PARVA: variants seen among roughly 807,000 people sequenced by gnomAD.
PARVA encodes parvin alpha.
In PARVA, 25 loss-of-function variants were observed where a neutral mutation model predicts 52.6. That is an observed-to-expected ratio of 0.48 (90% CI 0.35 to 0.66). PARVA has a LOEUF of 0.66. Ranked by LOEUF, PARVA falls within the 30% of genes least tolerant of loss-of-function variation. The pLI is 0.01. For missense variants in PARVA, 373 were observed against 450.9 expected, an observed-to-expected ratio of 0.83 and a Z score of 1.56; for synonymous variants, 185 against 179.1, an observed-to-expected ratio of 1.03 and a Z score of -0.26.
chr11:12,427,487 G>A (rs1341402944), intron 1 of PARVA, among the ~76,000 whole-genome samples: 5 of 152,194 alleles, frequency 3.3e-5, no homozygotes, highest in South Asian at 2.1e-4. Context: ...AGTTATCAGC[G>A]TTAAGGATGG....
intron 1 of PARVA, among the ~76,000 whole-genome samples, chr11:12,393,620 G>A (rs535427493): frequency 6.6e-6 from 1 of 152,248 alleles, no homozygotes; most frequent in African/African-American, 2.4e-5. Flanking sequence ...AGGACTCAGT[G>A]GGAGGTCTTG....
At chr11:12,472,562 T>C (rs1940948638) in intron 1 of PARVA, among the ~76,000 whole-genome samples, 1 of 152,174 alleles carries the variant, frequency 6.6e-6, no homozygotes. Flanking sequence ...TGTTTCTCAG[T>C]CTCCTTCCAG....
chr11:12,454,675 C>T (rs1392310146), intron 1 of PARVA, among the ~76,000 whole-genome samples: 2 of 152,084 alleles, frequency 1.3e-5, no homozygotes. Context: ...CAGCAGCCAA[C>T]AATGATCAAT....
At chr11:12,461,335 C>T (rs1020473534) in intron 1 of PARVA, among the ~76,000 whole-genome samples, 2 of 152,120 alleles carry the variant, frequency 1.3e-5, no homozygotes, top group African/African-American at 4.8e-5. Flanking sequence ...CTATGTTCTC[C>T]CCAAGGCCGT....
chr11:12,511,341 G>A (rs1161176445), intron 7 of PARVA, among the ~76,000 whole-genome samples, 173 bp from the exon 8 acceptor site: 7 of 152,182 alleles, frequency 4.6e-5, no homozygotes, highest in Non-Finnish European at 8.8e-5. Context: ...TGGAGGCCGT[G>A]CAGAATAAAA....
intron 12 of PARVA, among the ~76,000 whole-genome samples, chr11:12,527,010 C>T (rs981143539): frequency 6.6e-6 from 1 of 152,156 alleles, no homozygotes; most frequent in Non-Finnish European, 1.5e-5. Context: ...AGTTTCCAGC[C>T]TCTAGCCTAC....
intron 1 of PARVA, among the ~76,000 whole-genome samples, chr11:12,394,361 A>G (rs1939704599): frequency 6.6e-6 from 1 of 152,214 alleles, no homozygotes; most frequent in Non-Finnish European, 1.5e-5. Flanking sequence ...TCTACAAGTC[A>G]CTTATGAGAC....
chr11:12,498,192 C>T (rs1265887572), intron 5 of PARVA, among the ~76,000 whole-genome samples: 1 of 152,034 alleles, frequency 6.6e-6, no homozygotes, highest in Non-Finnish European at 1.5e-5. Flanking sequence ...TGCCACCAAG[C>T]CCAGCTAATT....
chr11:12,419,773 C>G (rs570684807), intron 1 of PARVA, among the ~76,000 whole-genome samples: 1 of 152,132 alleles, frequency 6.6e-6, no homozygotes, highest in African/African-American at 2.4e-5. Flanking sequence ...CTCACCAATA[C>G]TTATTGTTAT....
At chr11:12,406,916 T>C (rs1173772149) in intron 1 of PARVA, among the ~76,000 whole-genome samples, 3 of 152,236 alleles carry the variant, frequency 2.0e-5, no homozygotes, top group East Asian at 1.9e-4. Context: ...ATGATCCACC[T>C]GCCTCGGCTT....
chr11:12,407,607 A>AT (rs764383681), intron 1 of PARVA, among the ~76,000 whole-genome samples: 6 of 152,144 alleles, frequency 3.9e-5, no homozygotes, highest in East Asian at 3.8e-4. Flanking sequence ...ACAGTGTCCA[A>AT]TTTTTTCTCC....
chr11:12,532,524 G>T lies in PARVA; in HGVS notation c.*4599G>T, dbSNP rs2135099197. 6.6e-6 allele frequency among the ~76,000 whole-genome samples: 1 copy of T among 152,326 alleles called. No homozygotes were observed. Among genetic ancestry groups the T allele is most frequent in the Admixed American group, 6.5e-5 (1 of 15,308 alleles). On this transcript the variant is annotated 3_prime_UTR_variant, in exon 13 of 13. Transcript: ENST00000334956. ...ATTCGGCAAGTATGTGTTGAGTGCAGCATGTCCAAGGGTGAGTGAGAGATT... is the reference window on the plus strand; with the variant it reads ...ATTCGGCAAGTATGTGTTGAGTGCATCATGTCCAAGGGTGAGTGAGAGATT...
chr11:12,430,038 T>C (rs376790433), intron 1 of PARVA, among the ~76,000 whole-genome samples: 23 of 152,222 alleles, frequency 1.5e-4, no homozygotes, highest in African/African-American at 5.5e-4. Context: ...ATCTGCATCA[T>C]TGACATTCCT....
chr11:12,415,282 A>T (rs557865389), intron 1 of PARVA, among the ~76,000 whole-genome samples: 3 of 152,232 alleles, frequency 2.0e-5, no homozygotes, highest in South Asian at 2.1e-4. Flanking sequence ...GGATTCCAGC[A>T]TGGCAGAATA....
At chr11:12,465,496 A>G (rs988215105) in intron 1 of PARVA, among the ~76,000 whole-genome samples, 2 of 152,248 alleles carry the variant, frequency 1.3e-5, no homozygotes, top group Non-Finnish European at 2.9e-5. Context: ...ACAGTATCAT[A>G]CAGAACACTT....
rs887551739 is a variant in PARVA at position 12,529,003 on chromosome 11, C to T, written c.*1078C>T. On this transcript the variant is annotated 3_prime_UTR_variant, in exon 13 of 13. Coordinates refer to ENST00000334956, the MANE Select transcript of PARVA (RefSeq NM_018222.5). ...GCAAATGTACAATATGCTCAGGCACCGCAGAGAGCTGGGCACGGGCCCATG... is the reference window on the plus strand; with the variant it reads ...GCAAATGTACAATATGCTCAGGCACTGCAGAGAGCTGGGCACGGGCCCATG... 1.3e-5 allele frequency: 2 copies of T among 152,608 alleles called. No homozygotes were observed. The highest frequency in any genetic ancestry group is 2.9e-5 in the Non-Finnish European group (2 of 68,036). 9.5% of individuals were successfully genotyped at this position (152,608 alleles called of 1,614,324 possible).
intron 1 of PARVA, among the ~76,000 whole-genome samples, chr11:12,431,943 C>G (rs1940321754): frequency 6.6e-6 from 1 of 152,196 alleles, no homozygotes; most frequent in Non-Finnish European, 1.5e-5. Flanking sequence ...TTGGTCCTCA[C>G]AGAGGTGAGG....
chr11:12,496,340 T>TTACAAGAGTGCATGCA, intron 4 of PARVA, 118 bp from the exon 5 acceptor site: 1 of 394,052 alleles, frequency 2.5e-6, no homozygotes, highest in Non-Finnish European at 3.8e-6. Context: ...GTATCTATTG[T>TTACAAGAGTGCATGCA]TGCAAGAGTG....
chr11:12,451,996 T>TA (rs1940629443), intron 1 of PARVA, among the ~76,000 whole-genome samples: 1 of 151,940 alleles, frequency 6.6e-6, no homozygotes, highest in Admixed American at 6.6e-5. Context: ...TGTGGAGACT[T>TA]AGAGTTTTGT....
Sources: allele counts gnomAD v4.1 joint callset (sites outside exome capture counted in the v4.1 genomes callset), GRCh38; gene constraint gnomAD v4.1.1; transcripts MANE v1.5; gene names NCBI Gene and HGNC (gene_info 2026-07-23, HGNC 2026-07-21).